Variants in PDE3A observed in about 807,000 individuals in gnomAD.
PDE3A encodes cGMP-inhibited 3',5'-cyclic phosphodiesterase 3A.
PDE3A carries 43 observed loss-of-function variants against 98.3 expected under a neutral mutation model. The ratio of observed to expected loss-of-function variants is 0.44; its 90% CI spans 0.34 to 0.56. PDE3A has a LOEUF of 0.56. Among genes scored for constraint, PDE3A ranks in the 20% least tolerant of loss-of-function variants. The probability of loss-of-function intolerance (pLI) is 0.01; values close to 1 mark genes in which losing one functional copy is unlikely to be tolerated. For synonymous variants in PDE3A, 663 were observed against 567.9 expected, an observed-to-expected ratio of 1.17 and a Z score of -2.38; for missense variants, 1,427 against 1,440.7, an observed-to-expected ratio of 0.99 and a Z score of 0.15.
chr12:20,408,923 G>C (rs138127939), intron 1 of PDE3A, among the ~76,000 whole-genome samples: 159 of 152,238 alleles, frequency 1.0e-3, no homozygotes, highest in African/African-American at 3.6e-3. Context: ...GAGGATTCTG[G>C]AAAGCTCTAA....
intron 1 of PDE3A, among the ~76,000 whole-genome samples, chr12:20,480,619 A>T (rs757965061): frequency 6.6e-6 from 1 of 152,146 alleles, no homozygotes; most frequent in Non-Finnish European, 1.5e-5. Context: ...TAACTTATTG[A>T]CTGTTTTCAT....
At chr12:20,570,294 G>A (rs550734935) in intron 2 of PDE3A, among the ~76,000 whole-genome samples, 1 of 150,782 alleles carries the variant, frequency 6.6e-6, no homozygotes, top group Non-Finnish European at 1.5e-5. Flanking sequence ...TGTAATCCCA[G>A]CTACTCGGAA....
At chr12:20,560,378 A>G (rs185224723) in intron 2 of PDE3A, among the ~76,000 whole-genome samples, 1 of 152,358 alleles carries the variant, frequency 6.6e-6, no homozygotes, top group East Asian at 1.9e-4. Context: ...GAAATGATTC[A>G]GAACCAAAAG....
chr12:20,678,283 C>G (rs1945689324), intron 15 of PDE3A, among the ~76,000 whole-genome samples: 1 of 152,140 alleles, frequency 6.6e-6, no homozygotes, highest in Non-Finnish European at 1.5e-5. Flanking sequence ...CCTTACTTCT[C>G]TCTTCTTCCT....
intron 1 of PDE3A, among the ~76,000 whole-genome samples, chr12:20,414,212 C>T (rs1006747164): frequency 2.0e-5 from 3 of 152,138 alleles, no homozygotes; most frequent in Non-Finnish European, 4.4e-5. Context: ...CATCCCTCCA[C>T]AAATGGCCAA....
At chr12:20,458,637 C>A (rs1430509327) in intron 1 of PDE3A, among the ~76,000 whole-genome samples, 2 of 152,082 alleles carry the variant, frequency 1.3e-5, no homozygotes. Flanking sequence ...GTCTTTCTAC[C>A]TACTGTCAGA....
chr12:20,520,703 C>T (rs1946407415), intron 1 of PDE3A, among the ~76,000 whole-genome samples: 1 of 152,192 alleles, frequency 6.6e-6, no homozygotes, highest in Non-Finnish European at 1.5e-5. Context: ...GATCCCTCTG[C>T]CGCTTCTTGG....
intron 2 of PDE3A, among the ~76,000 whole-genome samples, chr12:20,574,542 A>T (rs115901061): frequency 0.012 from 1,790 of 152,194 alleles, 32 homozygotes; most frequent in African/African-American, 0.041. Context: ...ATTAAAAAGT[A>T]TGTGGAATAA....
chr12:20,643,737 A>G (rs1452512728), intron 10 of PDE3A, among the ~76,000 whole-genome samples: 1 of 152,132 alleles, frequency 6.6e-6, no homozygotes, highest in Non-Finnish European at 1.5e-5. Context: ...AGCCTCATAA[A>G]ATGAGTTTGG....
chr12:20,592,570 T>TAATC (rs1419963401), intron 2 of PDE3A, among the ~76,000 whole-genome samples: 3 of 152,196 alleles, frequency 2.0e-5, no homozygotes, highest in African/African-American at 7.2e-5. Context: ...GCTTGAGTAC[T>TAATC]AATCATAGAA....
At chr12:20,636,936 T>C (rs1397675831) in intron 8 of PDE3A, among the ~76,000 whole-genome samples, 164 bp from the exon 9 acceptor site, 5 of 152,188 alleles carry the variant, frequency 3.3e-5, no homozygotes, top group Admixed American at 2.6e-4. Context: ...TTGGCGTCAA[T>C]GTCTCGTTCA....
rs73233916 is a variant in PDE3A, at chr12:20,515,384, G to A, written c.961-41276G>A. Among the ~76,000 whole-genome samples, 1,067 of 152,254 alleles carry A rather than the reference G, an allele frequency of 7.0e-3. 9 individuals are homozygous for A. Among genetic ancestry groups the A allele is most frequent in the African/African-American group, 0.025 (1,031 of 41,528 alleles). On this transcript the variant is annotated intron_variant, in intron 1 of 15. Coordinates refer to ENST00000359062, the MANE Select transcript of PDE3A (RefSeq NM_000921.5). ...AGAATATATGTCAAATATATACACT[G>A]GTTCCTTTTTACAAAAGCAAGTGTT...
At chr12:20,437,056 TG>T (rs1555145842) in intron 1 of PDE3A, among the ~76,000 whole-genome samples, 1 of 752 alleles carries the variant, frequency 1.3e-3, no homozygotes, top group Non-Finnish European at 0.013. Context: ...TTTAAGATTG[TG>T]TGTGTGTGTG....
In PDE3A at chr12:20,687,306, C is replaced by T. The variant is rs1263583805; in HGVS notation, c.*7035C>T. Among the ~76,000 whole-genome samples the T allele has an allele frequency of 1.3e-5, 2 of 151,954 alleles. No individual in the cohort carries two copies. The highest frequency in any genetic ancestry group is 4.8e-5 in the African/African-American group (2 of 41,402). On this transcript the variant is annotated 3_prime_UTR_variant, in exon 16 of 16. Transcript: ENST00000359062. The stretch of plus-strand genomic sequence containing the variant: ...TATATCAGCGATGATTTCATTTTAA[C>T]TATTTATAAGGATAATTTAGTATTA...
At chr12:20,555,863 G>C (rs1942356898) in intron 1 of PDE3A, among the ~76,000 whole-genome samples, 1 of 152,134 alleles carries the variant, frequency 6.6e-6, no homozygotes, top group African/African-American at 2.4e-5. Context: ...AGGAGTCATT[G>C]CTGCTATACA....
At chr12:20,426,100 A>G (rs1195866767) in intron 1 of PDE3A, among the ~76,000 whole-genome samples, 2 of 152,202 alleles carry the variant, frequency 1.3e-5, no homozygotes, top group Non-Finnish European at 2.9e-5. Context: ...CTTGGAAGGA[A>G]AATACTTAAT....
intron 5 of PDE3A, among the ~76,000 whole-genome samples, chr12:20,624,460 G>A (rs1409341556): frequency 2.6e-5 from 4 of 152,076 alleles, no homozygotes; most frequent in Non-Finnish European, 5.9e-5. Context: ...AAGAGCAAAG[G>A]AGCAAAATGT....
intron 1 of PDE3A, among the ~76,000 whole-genome samples, chr12:20,489,523 C>A (rs918130880): frequency 6.6e-6 from 1 of 152,052 alleles, no homozygotes; most frequent in Non-Finnish European, 1.5e-5. Flanking sequence ...TATGTATATT[C>A]TATATATGAA....
chr12:20,648,446 C>T (rs1394703682), intron 12 of PDE3A, among the ~76,000 whole-genome samples: 1 of 151,524 alleles, frequency 6.6e-6, no homozygotes, highest in African/African-American at 2.4e-5. Flanking sequence ...GCGAGTGCCC[C>T]CTCAAAAGAG....
Sources: allele counts gnomAD v4.1 joint callset (sites outside exome capture counted in the v4.1 genomes callset), GRCh38; gene constraint gnomAD v4.1.1; transcripts MANE v1.5; gene names NCBI Gene and HGNC (gene_info 2026-07-23, HGNC 2026-07-21).